Variants in ACOT7 observed in about 807,000 individuals in gnomAD.
The protein encoded by ACOT7 is acyl-CoA thioesterase 7, also known as cytosolic acyl coenzyme A thioester hydrolase.
ACOT7 carries 12 observed loss-of-function variants against 40.2 expected under a neutral mutation model. That is an observed-to-expected ratio of 0.30 (90% CI 0.19 to 0.48). ACOT7 has a LOEUF of 0.48. ACOT7 is among the 20% of genes least tolerant of loss of function. The probability of loss-of-function intolerance (pLI) is 0.99; values close to 1 mark genes in which losing one functional copy is unlikely to be tolerated. For missense variants in ACOT7, 395 were observed against 530.8 expected (o/e 0.74, Z 2.51); for synonymous variants, 228 against 219.5 (o/e 1.04, Z -0.34).
intron 8 of ACOT7, among the ~76,000 whole-genome samples, chr1:6,265,279 C>T (rs1638792760): frequency 6.6e-6 from 1 of 151,884 alleles, no homozygotes; most frequent in Non-Finnish European, 1.5e-5. Context: ...GCCAGCTGCA[C>T]ACGGTCACCG....
chr1:6,349,270 T>G (rs529175358), intron 2 of ACOT7, among the ~76,000 whole-genome samples: 288 of 152,316 alleles, frequency 1.9e-3, no homozygotes, highest in Middle Eastern at 3.4e-3. Flanking sequence ...GTACCAGGCC[T>G]GTGAGCTTCA....
rs915001680 is a variant in ACOT7, at chr1:6,330,423, G to A, written c.511-3010C>T. On this transcript the variant is annotated intron_variant, in intron 4 of 8. Coordinates refer to ENST00000361521, the MANE Select transcript of ACOT7 (RefSeq NM_007274.4). This position sits in a 1 kb window ranked among gnomAD's most constrained non-coding sequence, Gnocchi z 4.6. ...ACTACGTGGGCCTAGCGTGTGTTGG[G>A]GGGAAGATGGTGCAAAGAGCTCTGA... Among the ~76,000 whole-genome samples the A allele has an allele frequency of 6.6e-6, 1 of 152,190 alleles. No individual in the cohort carries two copies. Among genetic ancestry groups the A allele is most frequent in the African/African-American group, 2.4e-5 (1 of 41,454 alleles).
In ACOT7 at chr1:6,393,508, AC is replaced by A; in HGVS notation, c.-110del. On this transcript the variant is annotated 5_prime_UTR_variant, in exon 1 of 9. Coordinates refer to ENST00000361521, the MANE Select transcript of ACOT7 (RefSeq NM_007274.4). Reference sequence around the variant, plus strand: ...CCGACCCCGCCCCCGCGCCGGCCCCACCCCGAGCCCCGCCTCCCAGGCCGCC... The same window carrying A: ...CCGACCCCGCCCCCGCGCCGGCCCCACCCGAGCCCCGCCTCCCAGGCCGCC... The A allele has an allele frequency of 9.7e-7, 1 of 1,025,914 alleles. No individual in the cohort carries two copies. The allele number at this position is 1,025,914 out of a possible 1,614,324, so 63.6% of individuals were successfully genotyped here. A position where few individuals can be genotyped will look rare whatever the true frequency, so the allele number is the denominator to read the frequency against.
rs1219569368 is a variant in ACOT7, at chr1:6,355,206, G to A, written c.144-5340C>T. 2.0e-5 allele frequency among the ~76,000 whole-genome samples: 3 copies of A among 152,162 alleles called. No homozygotes were observed. The highest frequency in any genetic ancestry group is 1.9e-4 in the East Asian group (1 of 5,162). On this transcript the variant is annotated intron_variant, in intron 1 of 8. Coordinates refer to ENST00000361521, the MANE Select transcript of ACOT7 (RefSeq NM_007274.4). This position sits in a 1 kb window ranked among gnomAD's most constrained non-coding sequence, Gnocchi z 5.0. Reference sequence around the variant, plus strand: ...CATTCACAAATAGGGGAGTGTAAGCGAATACCCACTCACAGAGGGCACCCG... The same window carrying A: ...CATTCACAAATAGGGGAGTGTAAGCAAATACCCACTCACAGAGGGCACCCG...
chr1:6,336,508 G>A (rs948000618), intron 3 of ACOT7, among the ~76,000 whole-genome samples: 4 of 152,136 alleles, frequency 2.6e-5, no homozygotes, highest in Non-Finnish European at 4.4e-5. Context: ...GCCTGTGCTC[G>A]CTCAGCGGCC....
Position 6,294,659 on chromosome 1 carries a change from C to T in ACOT7, c.829+205G>A, listed in dbSNP as rs1309967101. 6.6e-6 allele frequency among the ~76,000 whole-genome samples: 1 copy of T among 152,142 alleles called. No homozygotes were observed. The highest frequency in any genetic ancestry group is 2.4e-5 in the African/African-American group (1 of 41,422). ...TAGGAGGATAATGGCCCCGTCATAT[C>T]TGAGTCAAGGATTTTACCAGATTGA... On this transcript the variant is annotated intron_variant, in intron 7 of 8. Coordinates refer to ENST00000361521, the MANE Select transcript of ACOT7 (RefSeq NM_007274.4). The surrounding 1 kb of genome is among the most constrained non-coding windows in gnomAD (Gnocchi z 4.6).
At chr1:6,295,415 A>C (rs1292068350) in intron 6 of ACOT7, 1 of 163,820 alleles carries the variant, frequency 6.1e-6, no homozygotes, top group East Asian at 1.7e-4. Flanking sequence ...TCGCAAGAGG[A>C]TAAACACAGA....
chr1:6,264,782 C>A lies in ACOT7; in HGVS notation c.1015-87G>T, dbSNP rs1252679700. On this transcript the variant is annotated intron_variant, in intron 8 of 8. Coordinates refer to ENST00000361521, the MANE Select transcript of ACOT7 (RefSeq NM_007274.4). ...GTGACCTGGCCTGGGGCCCTGCCCC[C>A]CACCCGTGGGATCTGCCCCACCCCT... 4 of 1,399,860 alleles carry A rather than the reference C, an allele frequency of 2.9e-6. No individual in the cohort carries two copies. The East Asian group carries it at 9.8e-5, about 34-fold the overall frequency. 86.7% of individuals were successfully genotyped at this position (1,399,860 alleles called of 1,614,324 possible).
Position 6,358,644 on chromosome 1 carries a change from GGGGGTCAGTAAGA to G in ACOT7, c.144-8791_144-8779del, listed in dbSNP as rs1392308247. On this transcript the variant is annotated intron_variant, in intron 1 of 8. Coordinates refer to ENST00000361521, the MANE Select transcript of ACOT7 (RefSeq NM_007274.4). The surrounding 1 kb of genome is among the most constrained non-coding windows in gnomAD (Gnocchi z 4.1). Reference sequence around the variant, plus strand: ...CAGCTTCGGCTGACCACCTAATCTTGGGGGTCAGTAAGAGCCAGGCCAGGTGGGTGCCCTACTG... The same window carrying G: ...CAGCTTCGGCTGACCACCTAATCTTGGCCAGGCCAGGTGGGTGCCCTACTG... Among the ~76,000 whole-genome samples, 11 of 152,208 alleles carry G rather than the reference GGGGGTCAGTAAGA, an allele frequency of 7.2e-5. No individual in the cohort carries two copies. The highest frequency in any genetic ancestry group is 2.7e-4 in the African/African-American group (11 of 41,448).
At chr1:6,366,926 C>T (rs149713031) in intron 1 of ACOT7, among the ~76,000 whole-genome samples, 2,652 of 151,886 alleles carry the variant, frequency 0.017, 27 homozygotes, top group Middle Eastern at 0.038. Flanking sequence ...AGGCCGGGCG[C>T]GGTGGCTCAT....
chr1:6,277,984 C>CCACA (rs1187427266), intron 8 of ACOT7, among the ~76,000 whole-genome samples: 1 of 152,150 alleles, frequency 6.6e-6, no homozygotes, highest in Non-Finnish European at 1.5e-5. Context: ...GTGCCTAAGG[C>CCACA]CACACAGCTA....
chr1:6,329,261 A>C (rs570120532), intron 4 of ACOT7, among the ~76,000 whole-genome samples: 4 of 152,366 alleles, frequency 2.6e-5, no homozygotes, highest in African/African-American at 9.6e-5. Context: ...TTGAGAACCC[A>C]TCTTCAAAAG....
Position 6,281,263 on chromosome 1 carries a change from G to T in ACOT7, c.853C>A (p.Arg285Ser), listed in dbSNP as rs138220668. 1 of 1,613,478 alleles carries T rather than the reference G, an allele frequency of 6.2e-7. No homozygotes were observed. The highest frequency in any genetic ancestry group is 1.1e-5 in the South Asian group (1 of 91,062). Reference protein sequence around the residue: ...RKGCVITISGRMTFTSNKSME... With the variant: ...RKGCVITISGSMTFTSNKSME... ...GACTTATTGCTCGTGAAGGTCATGC[G>T]TCCCGAGATGGTGATGACGCAGCCT... The change falls in exon 8 of 9, where the codon CGC becomes AGC. Residue 285 changes from arginine (R) to serine (S), a missense_variant. Arg to Ser is a moderately radical substitution (Grantham distance 110, BLOSUM62 -1). Around this residue, in one of 2 missense-constraint regions of ACOT7, gnomAD observed 309 missense variants for 470.3 expected, o/e 0.66. Transcript: ENST00000361521.
intron 8 of ACOT7, among the ~76,000 whole-genome samples, chr1:6,269,404 G>A (rs539462990): frequency 1.3e-5 from 2 of 152,310 alleles, no homozygotes; most frequent in East Asian, 3.9e-4. Flanking sequence ...CCCCCAGGCG[G>A]GGGCCCTGCC....
intron 6 of ACOT7, among the ~76,000 whole-genome samples, chr1:6,305,298 G>T (rs1235848134): frequency 1.6e-5 from 2 of 122,646 alleles, no homozygotes; most frequent in Non-Finnish European, 1.9e-5. Flanking sequence ...GGGCAGAGGG[G>T]CTCCTCACTT....
rs1205908655 is a variant in ACOT7, at chr1:6,360,814, G to C, written c.144-10948C>G. 5.6e-6 allele frequency: 8 copies of C among 1,435,096 alleles called. No homozygotes were observed. In the African/African-American group the frequency reaches 9.9e-5, roughly 18 times the overall value. The allele number at this position is 1,435,096 out of a possible 1,614,324, so 88.9% of individuals were successfully genotyped here. A position where few individuals can be genotyped will look rare whatever the true frequency, so the allele number is the denominator to read the frequency against. On this transcript the variant is annotated intron_variant, in intron 1 of 8. Coordinates refer to ENST00000361521, the MANE Select transcript of ACOT7 (RefSeq NM_007274.4). ...AACCCTTCCAGCTGGTCCCAGTCCA[G>C]GTGTGCTAGGCCCACCACCCACCCC...
Position 6,338,998 on chromosome 1 carries a change from G to A in ACOT7, c.418+435C>T, listed in dbSNP as rs1641186258. On this transcript the variant is annotated intron_variant, in intron 3 of 8. Transcript: ENST00000361521. The surrounding 1 kb of genome is among the most constrained non-coding windows in gnomAD (Gnocchi z 4.4). ...GCTTCCATCTGAGCCTGGTTTCTGG[G>A]GCTCCCAGGAGCAAGCACTGTCCTC... is the stretch of plus-strand genomic sequence containing the variant. Among the ~76,000 whole-genome samples, 1 of 152,146 alleles carries A rather than the reference G, an allele frequency of 6.6e-6. No individual in the cohort carries two copies. The highest frequency in any genetic ancestry group is 2.1e-4 in the South Asian group (1 of 4,834).
intron 1 of ACOT7, among the ~76,000 whole-genome samples, chr1:6,387,172 G>T (rs1390895309): frequency 2.0e-5 from 3 of 151,976 alleles, no homozygotes; most frequent in Non-Finnish European, 2.9e-5. Flanking sequence ...TTTTGCCAGG[G>T]GCCAACAGTA....
intron 1 of ACOT7, among the ~76,000 whole-genome samples, chr1:6,364,460 G>A (rs1433486763): frequency 1.3e-5 from 2 of 151,278 alleles, no homozygotes; most frequent in African/African-American, 4.9e-5. Context: ...AGAATCCCTT[G>A]AAGCCGGGAG....
Sources: gnomAD v4.1 joint callset for allele counts (sites outside exome capture counted in the v4.1 genomes callset) on GRCh38, gnomAD v4.1.1 for gene constraint, gnomAD v4.1.1 regional missense constraint, Gnocchi (gnomAD v3.1) non-coding constraint, MANE v1.5 for transcripts, NCBI Gene and HGNC (gene_info 2026-07-23, HGNC 2026-07-21) for gene names.